The following SLC35D4 variants were observed in gnomAD, a reference collection of about 807,000 sequenced individuals.
SLC35D4 encodes UDP-N-acetylglucosamine transporter SLC35D4.
the SLC35D4 span, among the ~76,000 whole-genome samples, chr18:23,256,139 T>C: frequency 2.0e-5 from 3 of 152,248 alleles, no homozygotes; most frequent in Admixed American, 2.0e-4. Flanking sequence ...CTGAAAGCAG[T>C]CAACATCTGC....
chr18:23,314,242 AG>A, the SLC35D4 span, among the ~76,000 whole-genome samples: 1 of 152,232 alleles, frequency 6.6e-6, no homozygotes, highest in Non-Finnish European at 1.5e-5. Flanking sequence ...TGCGTGCAAA[AG>A]GCCTCATGCT....
the SLC35D4 span, among the ~76,000 whole-genome samples, chr18:23,361,689 C>A: frequency 6.6e-6 from 1 of 152,156 alleles, no homozygotes; most frequent in Admixed American, 6.5e-5. Context: ...CCACTGCAGA[C>A]CCATCCCCCA....
the SLC35D4 span, among the ~76,000 whole-genome samples, chr18:23,293,500 T>G: frequency 5.3e-5 from 8 of 152,372 alleles, no homozygotes; most frequent in South Asian, 1.7e-3. Flanking sequence ...ACCAGTGTGT[T>G]CTTACACTTA....
chr18:23,280,736 T>C, the SLC35D4 span, among the ~76,000 whole-genome samples: 1 of 152,164 alleles, frequency 6.6e-6, no homozygotes, highest in Non-Finnish European at 1.5e-5. Flanking sequence ...AACAGGAGAC[T>C]GTTGTGCATA....
At chr18:23,367,430 T>A in the SLC35D4 span, among the ~76,000 whole-genome samples, 1 of 152,060 alleles carries the variant, frequency 6.6e-6, no homozygotes, top group Non-Finnish European at 1.5e-5. Flanking sequence ...GCCCCCACAG[T>A]GGGCTTTAGC....
the SLC35D4 span, among the ~76,000 whole-genome samples, chr18:23,242,046 C>T: frequency 6.6e-6 from 1 of 152,112 alleles, no homozygotes; most frequent in Non-Finnish European, 1.5e-5. Context: ...AAGGCCGAGG[C>T]GGGTGGATCA....
At chr18:23,343,963 A>G in the SLC35D4 span, among the ~76,000 whole-genome samples, 1 of 148,262 alleles carries the variant, frequency 6.7e-6, no homozygotes, top group Non-Finnish European at 1.5e-5. Context: ...CAATGGCGCT[A>G]TCTCAGCTCA....
the SLC35D4 span, among the ~76,000 whole-genome samples, chr18:23,385,684 G>A: frequency 1.3e-5 from 2 of 152,166 alleles, no homozygotes; most frequent in African/African-American, 2.4e-5. Flanking sequence ...AGGCCACACT[G>A]GGAAACAGGA....
the SLC35D4 span, among the ~76,000 whole-genome samples, chr18:23,299,480 C>T: frequency 2.6e-5 from 4 of 152,274 alleles, no homozygotes; most frequent in African/African-American, 7.2e-5. Context: ...GATTCACATG[C>T]GTCTCCATGG....
At chr18:23,264,582 CG>C in the SLC35D4 span, among the ~76,000 whole-genome samples, 8 of 151,988 alleles carry the variant, frequency 5.3e-5, no homozygotes, top group Non-Finnish European at 8.8e-5. Context: ...AGGCTGGTCT[CG>C]AACTCTTGAC....
At chr18:23,293,196 A>C in the SLC35D4 span, among the ~76,000 whole-genome samples, 1 of 152,188 alleles carries the variant, frequency 6.6e-6, no homozygotes, top group Non-Finnish European at 1.5e-5. Flanking sequence ...GTGAGCCGAG[A>C]TCGCGCCATT....
the SLC35D4 span, among the ~76,000 whole-genome samples, chr18:23,353,064 G>A: frequency 9.9e-6 from 1 of 101,220 alleles, no homozygotes; most frequent in Non-Finnish European, 2.1e-5. Context: ...CTGGGGAAGA[G>A]GTGAGACAGA....
the SLC35D4 span, among the ~76,000 whole-genome samples, chr18:23,381,626 T>C: frequency 6.6e-6 from 1 of 152,228 alleles, no homozygotes; most frequent in African/African-American, 2.4e-5. Context: ...TTTTCTAGTT[T>C]GCCCTGACAA....
the SLC35D4 span, among the ~76,000 whole-genome samples, chr18:23,435,792 C>T: frequency 6.6e-6 from 1 of 152,106 alleles, no homozygotes; most frequent in Admixed American, 6.5e-5. Context: ...GCCTCCCTGG[C>T]TCAGGAGATT....
chr18:23,432,680 C>CA, the SLC35D4 span, among the ~76,000 whole-genome samples: 4,333 of 80,090 alleles, frequency 0.054, 92 homozygotes, highest in African/African-American at 0.099. Context: ...GACTCCTTCT[C>CA]AAAAAAAAAA....
the SLC35D4 span, among the ~76,000 whole-genome samples, chr18:23,348,680 G>C: frequency 6.6e-6 from 1 of 152,060 alleles, no homozygotes; most frequent in Non-Finnish European, 1.5e-5. Context: ...GTAACTGTCT[G>C]TGTGGTTCTT....
chr18:23,330,290 C>T, the SLC35D4 span, among the ~76,000 whole-genome samples: 1 of 152,088 alleles, frequency 6.6e-6, no homozygotes, highest in East Asian at 1.9e-4. Context: ...AAAAAAATTT[C>T]CCAAAGAATA....
chr18:23,432,149 C>T, the SLC35D4 span, among the ~76,000 whole-genome samples: 1 of 152,186 alleles, frequency 6.6e-6, no homozygotes, highest in East Asian at 1.9e-4. Flanking sequence ...ATTAACTGAG[C>T]ATCTGAGTCA....
the SLC35D4 span, among the ~76,000 whole-genome samples, chr18:23,290,392 C>A: frequency 6.6e-6 from 1 of 152,178 alleles, no homozygotes; most frequent in East Asian, 1.9e-4. Context: ...GGACTTTGCC[C>A]GTGTGTCCCC....
Sources: gnomAD v4.1 joint callset for allele counts (sites outside exome capture counted in the v4.1 genomes callset) on GRCh38, gnomAD v4.1.1 for gene constraint, MANE v1.5 for transcripts, NCBI Gene and HGNC (gene_info 2026-07-23, HGNC 2026-07-21) for gene names.